The following BBOF1 variants were observed in gnomAD, a reference collection of about 807,000 sequenced individuals.
BBOF1 encodes basal body orientation factor 1, also known as basal body-orientation factor 1.
BBOF1 carries 62 observed loss-of-function variants against 68.0 expected under a neutral mutation model. That is an observed-to-expected ratio of 0.91 (90% CI 0.74 to 1.13). BBOF1 has a LOEUF of 1.13. Among genes scored for constraint, BBOF1 ranks in the 50% most tolerant of loss-of-function variants. The probability of loss-of-function intolerance (pLI) is 0.00; values close to 1 mark genes in which losing one functional copy is unlikely to be tolerated. For synonymous variants in BBOF1, 208 were observed against 198.8 expected, an observed-to-expected ratio of 1.05 and a Z score of -0.39; for missense variants, 534 against 600.1, an observed-to-expected ratio of 0.89 and a Z score of 1.15.
chr14:74,067,909 A>G (rs2060493675), downstream of BBOF1, among the ~76,000 whole-genome samples: 1 of 151,626 alleles, frequency 6.6e-6, no homozygotes, highest in African/African-American at 2.4e-5. Context: ...TGGGTGACAG[A>G]GTGAGACCCC....
At chr14:74,059,755 G>T (rs1185211347) in intron 11 of BBOF1, 1 of 164,928 alleles carries the variant, frequency 6.1e-6, no homozygotes, top group African/African-American at 2.4e-5. Context: ...ATTAATTAAT[G>T]ATTGCTGAAG....
intron 2 of BBOF1, among the ~76,000 whole-genome samples, chr14:74,023,638 G>A (rs994616622): frequency 2.0e-5 from 3 of 152,084 alleles, no homozygotes; most frequent in African/African-American, 4.8e-5. Context: ...AAAGGAGGCC[G>A]GGTGTGGTGG....
In BBOF1 at chr14:74,060,851, A is replaced by G; in HGVS notation, c.1578+3593A>G. On this transcript the variant is annotated intron_variant, in intron 11 of 11. Transcript: ENST00000394009. ...TTATAAAGTGCTACTCACTTTCCTAATTGAGAAATGCAATCAGAATCCAAT... is the reference window on the plus strand; with the variant it reads ...TTATAAAGTGCTACTCACTTTCCTAGTTGAGAAATGCAATCAGAATCCAAT... 4 of 799,254 alleles carry G rather than the reference A, an allele frequency of 5.0e-6. No homozygotes were observed. The Admixed American group carries it at 7.9e-5, about 16-fold the overall frequency. The allele number at this position is 799,254 out of a possible 1,614,324, so 49.5% of individuals were successfully genotyped here. A position where few individuals can be genotyped will look rare whatever the true frequency, so the allele number is the denominator to read the frequency against.
intron 4 of BBOF1, among the ~76,000 whole-genome samples, chr14:74,035,172 A>G (rs1156292736): frequency 6.6e-6 from 1 of 152,194 alleles, no homozygotes; most frequent in Non-Finnish European, 1.5e-5. Context: ...TAAAGTGCAT[A>G]AAATAGCACG....
At chr14:74,069,349 G>A (rs1171075307), downstream of BBOF1, 5 of 308,970 alleles carry the variant, frequency 1.6e-5, no homozygotes, top group Non-Finnish European at 3.1e-5. Context: ...TGATCCACTC[G>A]CCTTGGCCTC....
At chr14:74,050,451 T>C (rs77444557) in intron 8 of BBOF1, among the ~76,000 whole-genome samples, 2,450 of 152,304 alleles carry the variant, frequency 0.016, 68 homozygotes, top group African/African-American at 0.056. Context: ...ATTTTTCCCA[T>C]AGGTTGTTTT....
intron 8 of BBOF1, among the ~76,000 whole-genome samples, chr14:74,051,758 C>T (rs987122390): frequency 2.0e-5 from 3 of 151,588 alleles, no homozygotes; most frequent in African/African-American, 4.9e-5. Context: ...CAATTAGATT[C>T]TTCAAAGGCC....
At chr14:74,053,787 C>T (rs1170775669) in intron 8 of BBOF1, among the ~76,000 whole-genome samples, 1 of 151,898 alleles carries the variant, frequency 6.6e-6, no homozygotes, top group Admixed American at 6.6e-5. Flanking sequence ...TCTTGGCTCA[C>T]TGCAACCTCC....
chr14:74,039,184 A>G (rs1054621062), intron 4 of BBOF1, among the ~76,000 whole-genome samples: 2 of 152,206 alleles, frequency 1.3e-5, no homozygotes, highest in African/African-American at 4.8e-5. Context: ...TATTTTTACA[A>G]AAGTGAAGTC....
At chr14:74,026,444 CAAAAA>C (rs1166375665) in intron 2 of BBOF1, among the ~76,000 whole-genome samples, 3 of 33,084 alleles carry the variant, frequency 9.1e-5, no homozygotes, top group Non-Finnish European at 1.8e-4. Context: ...AACTCCATCT[CAAAAA>C]AAAAAAAAAA....
At chr14:74,078,867 G>A (rs752698780) in intron 10 of BBOF1, among the ~76,000 whole-genome samples, 3 of 151,692 alleles carry the variant, frequency 2.0e-5, no homozygotes, top group Non-Finnish European at 4.4e-5. Context: ...GTTTCACCTT[G>A]TTGGCCAGGT....
chr14:74,078,310 G>C (rs900541857), exon 10 of BBOF1: 6 of 454,334 alleles, frequency 1.3e-5, no homozygotes, highest in Non-Finnish European at 2.7e-5. Flanking sequence ...AAAAGTGACC[G>C]AGACAGTGGT....
chr14:74,080,003 A>T (rs1001711533), intron 10 of BBOF1, among the ~76,000 whole-genome samples: 7 of 152,054 alleles, frequency 4.6e-5, no homozygotes, highest in Admixed American at 3.9e-4. Flanking sequence ...GTGCCACTGC[A>T]CTCCAGCCTG....
chr14:74,064,345 C>A (rs1442268701), intron 11 of BBOF1, among the ~76,000 whole-genome samples: 1 of 150,886 alleles, frequency 6.6e-6, no homozygotes, highest in Non-Finnish European at 1.5e-5. Context: ...ATGTCTGCTA[C>A]AAAGAACGTG....
At chr14:74,028,882 A>G (rs1595019682) in intron 2 of BBOF1, among the ~76,000 whole-genome samples, 1 of 151,760 alleles carries the variant, frequency 6.6e-6, no homozygotes, top group Non-Finnish European at 1.5e-5. Context: ...CTAATTTCAT[A>G]GTTTTAGTAG....
At chr14:74,024,502 A>G (rs1450865644) in intron 2 of BBOF1, among the ~76,000 whole-genome samples, 1 of 152,028 alleles carries the variant, frequency 6.6e-6, no homozygotes, top group South Asian at 2.1e-4. Context: ...GTCTCTCTCT[A>G]TTGCCTGGTC....
rs147004133 is a variant in BBOF1 at position 74,064,870 on chromosome 14, G to A, written c.*171G>A. 1,347 of 1,614,010 alleles carry A rather than the reference G, an allele frequency of 8.3e-4. 12 individuals carry two copies. In the African/African-American group the frequency reaches 0.016, roughly 19 times the overall value. On this transcript the variant is annotated 3_prime_UTR_variant, in exon 12 of 12. Coordinates refer to ENST00000394009, the MANE Select transcript of BBOF1 (RefSeq NM_025057.3). Reference sequence around the variant, plus strand: ...CTCCCCTGAAGGAGGATCGAGAGCCGGTGAATGAGAACATTGGCAAAGGCA... The same window carrying A: ...CTCCCCTGAAGGAGGATCGAGAGCCAGTGAATGAGAACATTGGCAAAGGCA...
downstream of BBOF1, among the ~76,000 whole-genome samples, chr14:74,068,475 T>C (rs1372230510): frequency 1.3e-5 from 2 of 152,078 alleles, no homozygotes; most frequent in Non-Finnish European, 2.9e-5. Flanking sequence ...ATGGTAAGGC[T>C]TACGCCTGTA....
At chr14:74,064,365 AT>A (rs564076208) in intron 11 of BBOF1, among the ~76,000 whole-genome samples, 1 of 152,082 alleles carries the variant, frequency 6.6e-6, no homozygotes, top group Admixed American at 6.6e-5. Context: ...GCTCAACAAC[AT>A]TTTTTGTAAA....
Sources: gnomAD v4.1 joint callset for allele counts (sites outside exome capture counted in the v4.1 genomes callset) on GRCh38, gnomAD v4.1.1 for gene constraint, MANE v1.5 for transcripts, NCBI Gene and HGNC (gene_info 2026-07-23, HGNC 2026-07-21) for gene names.